TTYH3: variants seen among roughly 807,000 people sequenced by gnomAD.
TTYH3 encodes tweety family member 3, also known as protein tweety homolog 3.
A neutral mutation model predicts 68.2 loss-of-function variants in TTYH3; 23 were observed. The observed-to-expected ratio is 0.34, with a 90% CI of 0.24 to 0.48. TTYH3 has a LOEUF of 0.48. Ranked by LOEUF, TTYH3 falls within the 20% of genes least tolerant of loss-of-function variation. TTYH3 has a pLI of 0.99. For synonymous variants in TTYH3, 360 were observed against 332.8 expected (o/e 1.08, Z -0.89); for missense variants, 768 against 727.7 (o/e 1.06, Z -0.64).
At chr7:2,635,099 G>T (rs1785622960) in intron 1 of TTYH3, among the ~76,000 whole-genome samples, 1 of 152,162 alleles carries the variant, frequency 6.6e-6, no homozygotes, top group Non-Finnish European at 1.5e-5. Context: ...GGGGGCTGTT[G>T]TTCACAGGAG....
At position 2,643,342 on chromosome 7, in the gene TTYH3, G is replaced by A. The variant is rs868718423; in HGVS notation, c.124-3511G>A. Among the ~76,000 whole-genome samples the A allele has an allele frequency of 8.5e-5, 12 of 140,450 alleles. No homozygotes were observed. In the South Asian group the frequency reaches 8.7e-4, roughly 10 times the overall value. The allele number at this position is 140,450 out of a possible 152,430, so 92.1% of individuals were successfully genotyped here. ...TGCACTCCAGCCTGGGCGACAGAGC[G>A]AGACTCTGTCTCAAAAAAAAAAAAA... On this transcript the variant is annotated intron_variant, in intron 1 of 13. Coordinates refer to ENST00000258796, the MANE Select transcript of TTYH3 (RefSeq NM_025250.3).
rs1166264777 is a variant in TTYH3, at chr7:2,661,831, C to T, written c.*92C>T. The T allele has an allele frequency of 7.2e-7, 1 of 1,381,756 alleles. No homozygotes were observed. The highest frequency in any genetic ancestry group is 9.9e-7 in the Non-Finnish European group (1 of 1,006,468). The allele number at this position is 1,381,756 out of a possible 1,614,324, so 85.6% of individuals were successfully genotyped here. A position where few individuals can be genotyped will look rare whatever the true frequency, so the allele number is the denominator to read the frequency against. ...ACCTGGGCCACCCACCGGACCCTCG[C>T]ACGCCGTGCCAGGCCTGCCCCAGAC... On this transcript the variant is annotated 3_prime_UTR_variant, in exon 14 of 14. Coordinates refer to ENST00000258796, the MANE Select transcript of TTYH3 (RefSeq NM_025250.3).
chr7:2,649,989 G>A lies in TTYH3; in HGVS notation c.871+1G>A. 2 of 1,613,952 alleles carry A rather than the reference G, an allele frequency of 1.2e-6. No individual in the cohort carries two copies. The highest frequency in any genetic ancestry group is 1.7e-6 in the Non-Finnish European group (2 of 1,179,930). ...GAGGAGTACTCGGTGCTGAGTGGGG[G>A]TGAGTCTGTGTCCACGGCCGTGTCC... is the stretch of plus-strand genomic sequence containing the variant. On this transcript the variant is annotated splice_donor_variant, in intron 7 of 13. Coordinates refer to ENST00000258796, the MANE Select transcript of TTYH3 (RefSeq NM_025250.3). LOFTEE classifies it high-confidence loss of function.
chr7:2,652,280 GTC>G (rs888717209), intron 8 of TTYH3, 38 bp downstream of exon 8: 6 of 1,588,070 alleles, frequency 3.8e-6, no homozygotes, highest in Non-Finnish European at 5.2e-6. Context: ...CTTCAGGAGA[GTC>G]TGAAGCACAT....
chr7:2,651,036 A>G (rs893500489), intron 7 of TTYH3, among the ~76,000 whole-genome samples: 15 of 151,406 alleles, frequency 9.9e-5, no homozygotes, highest in African/African-American at 3.6e-4. Context: ...GGTGGGGGGC[A>G]GGGAGCTGGG....
intron 1 of TTYH3, among the ~76,000 whole-genome samples, chr7:2,637,441 C>T (rs1244842233): frequency 3.9e-5 from 6 of 152,080 alleles, no homozygotes; most frequent in African/African-American, 9.7e-5. Flanking sequence ...AAACGGGGGC[C>T]GGCCAGCATG....
intron 6 of TTYH3, 98 bp downstream of exon 6, chr7:2,649,737 G>C: frequency 5.3e-6 from 8 of 1,500,324 alleles, no homozygotes; most frequent in Non-Finnish European, 7.2e-6. Context: ...ATCTTCCCGG[G>C]CACTGGGTCC....
intron 13 of TTYH3, chr7:2,659,995 T>C (rs1417898984): frequency 6.9e-6 from 9 of 1,301,602 alleles, no homozygotes; most frequent in East Asian, 5.7e-5. Flanking sequence ...TTTAAGCCCA[T>C]GGACAGTGCC....
rs769581456 is a variant in TTYH3, at chr7:2,658,439, C to T, written c.1404C>T (p.Asn468=). 3.0e-5 allele frequency: 49 copies of T among 1,611,830 alleles called. No individual in the cohort carries two copies. The highest frequency in any genetic ancestry group is 1.4e-4 in the South Asian group (13 of 90,972). Residue 468 remains asparagine (N), a synonymous_variant, in exon 12 of 14, where the codon AAC becomes AAT. Coordinates refer to ENST00000258796, the MANE Select transcript of TTYH3 (RefSeq NM_025250.3). ...SIPAAAHTVS[N]APVTEYMSQN... is the part of the protein sequence containing the mutation. ...CGGCCGCGGCCCACACCGTCAGCAA[C>T]GCCCCGGTCACTGAGTACATGTGAG...
In TTYH3 at chr7:2,635,596, G is replaced by T. The variant is rs139117273; in HGVS notation, c.123+3318G>T. Among the ~76,000 whole-genome samples, 360 of 152,318 alleles carry T rather than the reference G, an allele frequency of 2.4e-3. 1 individual carries two copies. Among genetic ancestry groups the T allele is most frequent in the African/African-American group, 8.1e-3 (335 of 41,578 alleles). On this transcript the variant is annotated intron_variant, in intron 1 of 13. Coordinates refer to ENST00000258796, the MANE Select transcript of TTYH3 (RefSeq NM_025250.3). ...TGGTCAGGGAAGGCTTCCTGCAGGA[G>T]GTGGTGTTAACTGGCTTGCCATGGA... is the stretch of plus-strand genomic sequence containing the variant.
chr7:2,654,158 G>A (rs1786269273), intron 9 of TTYH3, among the ~76,000 whole-genome samples: 1 of 152,224 alleles, frequency 6.6e-6, no homozygotes, highest in Admixed American at 6.5e-5. Context: ...ACTCTGGGGG[G>A]CTGAGGCAAG....
rs1434453503 is a variant in TTYH3 at position 2,646,986 on chromosome 7, C to T, written c.257C>T (p.Thr86Met). 2.5e-6 allele frequency: 4 copies of T among 1,568,782 alleles called. No homozygotes were observed. Among genetic ancestry groups the T allele is most frequent in the South Asian group, 1.1e-5 (1 of 87,968 alleles). The change falls in exon 2 of 14, where the codon ACG becomes ATG. Residue 86 changes from threonine (T) to methionine (M), a missense_variant. Thr to Met is a moderately conservative substitution (Grantham distance 81). Transcript: ENST00000258796. ...CACCTGGACGCCGACTGCTGCTGCA[C>T]GGCCTGGTGTGTCATCATCGCCACG... ...EEHLDADCCC[T>M]AWCVIIATLV... is the part of the protein sequence containing the mutation.
intron 11 of TTYH3, among the ~76,000 whole-genome samples, chr7:2,657,610 T>A (rs1786374522): frequency 1.3e-5 from 2 of 152,238 alleles, no homozygotes; most frequent in Non-Finnish European, 1.5e-5. Context: ...TATTGTATGA[T>A]GTGGGCAAGT....
At chr7:2,634,830 T>C (rs764622457) in intron 1 of TTYH3, among the ~76,000 whole-genome samples, 66 of 152,054 alleles carry the variant, frequency 4.3e-4, no homozygotes, top group Non-Finnish European at 8.4e-4. Flanking sequence ...AGTGAGTAAG[T>C]GGTGGGGCCG....
At chr7:2,650,409 C>G (rs928685885) in intron 7 of TTYH3, among the ~76,000 whole-genome samples, 1 of 152,140 alleles carries the variant, frequency 6.6e-6, no homozygotes, top group East Asian at 1.9e-4. Context: ...AAAACCCTGT[C>G]TCTACTAAAA....
intron 1 of TTYH3, among the ~76,000 whole-genome samples, chr7:2,637,333 T>C (rs1163939022): frequency 6.6e-6 from 1 of 152,052 alleles, no homozygotes; most frequent in Non-Finnish European, 1.5e-5. Context: ...CCACGGCGGC[T>C]CTCCCCGGAT....
In TTYH3 at chr7:2,647,960, T is replaced by G; in HGVS notation, c.628T>G (p.Trp210Gly). Residue 210 changes from tryptophan to glycine, a missense_variant and splice_region_variant, in exon 5 of 14, where the codon TGG becomes GGG. Physicochemically the swap from Trp to Gly is radical, Grantham distance 184. Transcript: ENST00000258796. ...EQVDLYDWYR[W>G]LGYLGLLLLD... ...GCGCACTCCCAGGTTTGCCTGCAGG[T>G]GGCTGGGCTACCTGGGCCTGCTGCT... is the stretch of plus-strand genomic sequence containing the variant. 1 of 1,607,602 alleles carries G rather than the reference T, an allele frequency of 6.2e-7. No homozygotes were observed. Among genetic ancestry groups the G allele is most frequent in the Non-Finnish European group, 8.5e-7 (1 of 1,179,850 alleles).
rs778268026 is a variant in TTYH3, at chr7:2,647,914, G to T, written c.627-45G>T. 1.5e-5 allele frequency: 24 copies of T among 1,597,146 alleles called. No individual in the cohort carries two copies. In the South Asian group the frequency reaches 2.3e-4, roughly 15 times the overall value. ...AGGGCCCCTGGCGCCCCACTCCCAG[G>T]CCCCGGGTCCCTGTGCCCTGGCGCA... On this transcript the variant is annotated intron_variant, in intron 4 of 13. Coordinates refer to ENST00000258796, the MANE Select transcript of TTYH3 (RefSeq NM_025250.3).
At chr7:2,658,675 A>C (rs1310802001) in intron 12 of TTYH3, among the ~76,000 whole-genome samples, 1 of 152,192 alleles carries the variant, frequency 6.6e-6, no homozygotes, top group East Asian at 1.9e-4. Flanking sequence ...CCAGGGCACA[A>C]GGACTCTGTG....
Sources: gnomAD v4.1 joint callset for allele counts (sites outside exome capture counted in the v4.1 genomes callset) on GRCh38, gnomAD v4.1.1 for gene constraint, MANE v1.5 for transcripts, NCBI Gene and HGNC (gene_info 2026-07-23, HGNC 2026-07-21) for gene names.